Variants in CCDC6 observed in about 807,000 individuals in gnomAD.
CCDC6 encodes the protein coiled-coil domain containing 6.
Under a neutral mutation model 56.6 loss-of-function variants are expected in CCDC6, and 20 were observed. The ratio of observed to expected loss-of-function variants is 0.35; its 90% CI spans 0.25 to 0.51. The LOEUF is 0.51. CCDC6 is among the 20% of genes least tolerant of loss of function. CCDC6 has a pLI of 0.95. For missense variants in CCDC6, 367 were observed against 601.1 expected (o/e 0.61, Z 4.07); for synonymous variants, 241 against 234.4 (o/e 1.03, Z -0.26).
At chr10:59,827,072 A>G (rs2070793953) in intron 3 of CCDC6, among the ~76,000 whole-genome samples, 1 of 152,166 alleles carries the variant, frequency 6.6e-6, no homozygotes, top group Non-Finnish European at 1.5e-5. Context: ...CAGACACCTA[A>G]CTGACTGGAG....
chr10:59,826,005 G>A (rs2070785074), intron 3 of CCDC6, among the ~76,000 whole-genome samples: 1 of 152,176 alleles, frequency 6.6e-6, no homozygotes. Flanking sequence ...GTCACTCCCT[G>A]TACTGCCCCT....
At chr10:59,884,682 C>T (rs997913966) in intron 1 of CCDC6, among the ~76,000 whole-genome samples, 4 of 152,086 alleles carry the variant, frequency 2.6e-5, no homozygotes, top group African/African-American at 9.7e-5. Context: ...ACAGCATGTA[C>T]AATGTGCTCC....
chr10:59,833,451 A>G (rs568113919), intron 2 of CCDC6, among the ~76,000 whole-genome samples: 3 of 152,286 alleles, frequency 2.0e-5, no homozygotes, highest in East Asian at 1.9e-4. Context: ...CTCTGTCTCA[A>G]AAAAAGAATC....
chr10:59,796,075 T>C (rs558337892), intron 7 of CCDC6, among the ~76,000 whole-genome samples: 28 of 152,334 alleles, frequency 1.8e-4, no homozygotes, highest in African/African-American at 6.5e-4. Flanking sequence ...ATGGTTGAAA[T>C]AGTTTACAGT....
chr10:59,826,007 A>T (rs2671609), intron 3 of CCDC6, among the ~76,000 whole-genome samples: 2 of 152,208 alleles, frequency 1.3e-5, no homozygotes, highest in Non-Finnish European at 2.9e-5. Flanking sequence ...CACTCCCTGT[A>T]CTGCCCCTGG....
intron 1 of CCDC6, among the ~76,000 whole-genome samples, chr10:59,873,654 T>C (rs1374278327): frequency 6.6e-6 from 1 of 152,182 alleles, no homozygotes; most frequent in East Asian, 1.9e-4. Flanking sequence ...CTAAAACATA[T>C]CTGGCCTCAT....
rs768070870 is a variant in CCDC6 at position 59,792,735 on chromosome 10, T to C, written c.*182A>G. The C allele has an allele frequency of 5.1e-6, 4 of 785,804 alleles. No homozygotes were observed. Among genetic ancestry groups the C allele is most frequent in the African/African-American group, 1.7e-5 (1 of 59,520 alleles). The allele number at this position is 785,804 out of a possible 1,614,324, so 48.7% of individuals were successfully genotyped here. On this transcript the variant is annotated 3_prime_UTR_variant, in exon 9 of 9. Transcript: ENST00000263102. ...GATGGAAAAAGTCGTCTGGTTAGTG[T>C]TGTAGACCCACAACACTGGCTGCAT...
At chr10:59,884,597 G>T (rs141175531) in intron 1 of CCDC6, among the ~76,000 whole-genome samples, 50 of 152,170 alleles carry the variant, frequency 3.3e-4, no homozygotes, top group African/African-American at 1.2e-3. Context: ...GAAAAGAATG[G>T]GGCAATTCTA....
chr10:59,822,824 T>C (rs573566747), intron 3 of CCDC6, among the ~76,000 whole-genome samples: 22 of 152,138 alleles, frequency 1.4e-4, no homozygotes, highest in South Asian at 4.2e-4. Flanking sequence ...TGAGAACTCA[T>C]ATCCCTGTTT....
intron 1 of CCDC6, among the ~76,000 whole-genome samples, chr10:59,891,184 T>C (rs913042920): frequency 6.6e-6 from 1 of 152,220 alleles, no homozygotes. Flanking sequence ...TTATTTCCAA[T>C]TGAAATACAG....
chr10:59,895,453 G>A (rs769850034), intron 1 of CCDC6, among the ~76,000 whole-genome samples: 1 of 152,184 alleles, frequency 6.6e-6, no homozygotes, highest in Non-Finnish European at 1.5e-5. Context: ...CAAGCTTTCT[G>A]GGCCTAAATT....
At chr10:59,893,574 C>G (rs2071439809) in intron 1 of CCDC6, among the ~76,000 whole-genome samples, 1 of 152,044 alleles carries the variant, frequency 6.6e-6, no homozygotes, top group Non-Finnish European at 1.5e-5. Context: ...CCACTGCACT[C>G]CAGCCCGGGT....
intron 1 of CCDC6, among the ~76,000 whole-genome samples, chr10:59,899,508 G>A (rs1367015288): frequency 1.3e-5 from 2 of 152,210 alleles, no homozygotes; most frequent in Admixed American, 6.5e-5. Context: ...GCAAGACACA[G>A]CAGACGTAAG....
chr10:59,858,139 G>A (rs1232409367), intron 1 of CCDC6, among the ~76,000 whole-genome samples: 1 of 152,146 alleles, frequency 6.6e-6, no homozygotes, highest in African/African-American at 2.4e-5. Context: ...AGCAGGGGTA[G>A]GTAACAGATG....
intron 2 of CCDC6, among the ~76,000 whole-genome samples, chr10:59,848,644 TTA>T (rs1360967830): frequency 6.6e-6 from 1 of 152,182 alleles, no homozygotes; most frequent in African/African-American, 2.4e-5. Context: ...ATAAGATTCA[TTA>T]TATGTCATTT....
intron 2 of CCDC6, among the ~76,000 whole-genome samples, chr10:59,849,967 T>C (rs1190010489): frequency 6.6e-6 from 1 of 152,200 alleles, no homozygotes; most frequent in Non-Finnish European, 1.5e-5. Flanking sequence ...ATGAGTATCA[T>C]AGGCTGAACA....
At chr10:59,814,867 G>A in intron 3 of CCDC6, 112 bp from the exon 4 acceptor site, 4 of 674,782 alleles carry the variant, frequency 5.9e-6, no homozygotes, top group Non-Finnish European at 1.0e-5. Context: ...GCAAACATGT[G>A]GCCAATTTTC....
chr10:59,880,363 A>C (rs908059174), intron 1 of CCDC6, among the ~76,000 whole-genome samples: 3 of 152,222 alleles, frequency 2.0e-5, no homozygotes, highest in Admixed American at 2.0e-4. Flanking sequence ...TCTAAGACCC[A>C]ATCTCAGACG....
intron 1 of CCDC6, among the ~76,000 whole-genome samples, chr10:59,876,577 C>G (rs2071283213): frequency 1.5e-5 from 2 of 137,366 alleles, no homozygotes; most frequent in Non-Finnish European, 3.0e-5. Context: ...ATAAACTACA[C>G]CTGTTAAGGG....
Sources: gnomAD v4.1 joint callset for allele counts (sites outside exome capture counted in the v4.1 genomes callset) on GRCh38, gnomAD v4.1.1 for gene constraint, MANE v1.5 for transcripts, NCBI Gene and HGNC (gene_info 2026-07-23, HGNC 2026-07-21) for gene names.